Variants in CYP4X1 observed in about 807,000 individuals in gnomAD.
The protein encoded by CYP4X1 is cytochrome P450 family 4 subfamily X member 1, also known as cytochrome P450 4X1.
A neutral mutation model predicts 57.9 loss-of-function variants in CYP4X1; 44 were observed. The ratio of observed to expected loss-of-function variants is 0.76; its 90% CI spans 0.60 to 0.98. CYP4X1 has a LOEUF of 0.98. Among genes scored for constraint, CYP4X1 ranks in the 50% least tolerant of loss-of-function variants. CYP4X1 has a pLI of 0.00. For synonymous variants in CYP4X1, 227 were observed against 228.6 expected (o/e 0.99, Z 0.06); for missense variants, 532 against 623.9 (o/e 0.85, Z 1.57).
chr1:47,013,025 A>G, the CYP4X1 span, among the ~76,000 whole-genome samples: 1 of 151,488 alleles, frequency 6.6e-6, no homozygotes, highest in African/African-American at 2.4e-5. Flanking sequence ...ACCAGCTTTC[A>G]GCTTCACTCT....
At position 47,050,005 on chromosome 1, in the gene CYP4X1, G is replaced by A; in HGVS notation, c.1361G>A (p.Cys454Tyr). Reference protein sequence around the residue: ...YLPFSAGSRNCIGQEFAMIEL... With the variant: ...YLPFSAGSRNYIGQEFAMIEL... ...TCTTTCCCTCTTGTCTTCAGGAACT[G>A]CATTGGGCAGGAGTTTGCCATGATT... The change falls in exon 12 of 12, where the codon TGC (cysteine) becomes TAC (tyrosine). Residue 454 changes from cysteine (C) to tyrosine (Y), a missense_variant. Physicochemically the swap from Cys to Tyr is radical, Grantham distance 194 (BLOSUM62 -2). Coordinates refer to ENST00000371901, the MANE Select transcript of CYP4X1 (RefSeq NM_178033.2). 1 of 1,613,398 alleles carries A rather than the reference G, an allele frequency of 6.2e-7. No individual in the cohort carries two copies. The highest frequency in any genetic ancestry group is 8.5e-7 in the Non-Finnish European group (1 of 1,179,852).
At chr1:47,047,339 G>C (rs1490004922) in intron 9 of CYP4X1, among the ~76,000 whole-genome samples, 1 of 152,132 alleles carries the variant, frequency 6.6e-6, no homozygotes, top group Admixed American at 6.5e-5. Flanking sequence ...CATGTCTTAG[G>C]AAGCAAGCCA....
At chr1:47,034,944 T>G (rs1644163715) in intron 4 of CYP4X1, among the ~76,000 whole-genome samples, 1 of 151,996 alleles carries the variant, frequency 6.6e-6, no homozygotes, top group Non-Finnish European at 1.5e-5. Flanking sequence ...TCACCATTTG[T>G]TCTTAGTAAA....
the CYP4X1 span, among the ~76,000 whole-genome samples, chr1:46,968,769 A>C: frequency 6.6e-6 from 1 of 152,290 alleles, no homozygotes; most frequent in Middle Eastern, 3.4e-3. Flanking sequence ...TCTATATAAC[A>C]CGTTTTGTCC....
chr1:46,983,046 C>CT, the CYP4X1 span, among the ~76,000 whole-genome samples: 1 of 152,148 alleles, frequency 6.6e-6, no homozygotes, highest in African/African-American at 2.4e-5. Context: ...GGGGCCCTGC[C>CT]TGGGGACACG....
chr1:47,010,884 A>T, the CYP4X1 span, among the ~76,000 whole-genome samples: 5 of 152,338 alleles, frequency 3.3e-5, no homozygotes, highest in African/African-American at 9.6e-5. Flanking sequence ...AGAACTACAA[A>T]CCACTGTTCA....
the CYP4X1 span, among the ~76,000 whole-genome samples, chr1:46,976,451 G>C: frequency 6.6e-6 from 1 of 152,056 alleles, no homozygotes; most frequent in Non-Finnish European, 1.5e-5. Flanking sequence ...AGGGAATCTC[G>C]AACTAGGTGG....
At chr1:46,982,320 T>C in the CYP4X1 span, among the ~76,000 whole-genome samples, 1 of 152,366 alleles carries the variant, frequency 6.6e-6, no homozygotes, top group South Asian at 2.1e-4. Context: ...TTTGATAACA[T>C]CCAGGTTTTG....
chr1:47,026,716 GTTGTTTTTTT>G (rs1453715246), intron 1 of CYP4X1, among the ~76,000 whole-genome samples: 1 of 151,668 alleles, frequency 6.6e-6, no homozygotes, highest in African/African-American at 2.4e-5. Flanking sequence ...AATTTTTTTT[GTTGTTTTTTT>G]TTGTTTTTTG....
intron 3 of CYP4X1, among the ~76,000 whole-genome samples, chr1:47,031,937 G>A (rs1333362984): frequency 6.6e-6 from 1 of 152,042 alleles, no homozygotes; most frequent in Non-Finnish European, 1.5e-5. Flanking sequence ...CCACTACTTG[G>A]GAGGCTGAGA....
At chr1:46,965,878 GC>G in the CYP4X1 span, among the ~76,000 whole-genome samples, 2 of 152,204 alleles carry the variant, frequency 1.3e-5, no homozygotes, top group Admixed American at 1.3e-4. Context: ...AGAGACCAGA[GC>G]CCTATCCATA....
At chr1:46,989,297 C>T in the CYP4X1 span, among the ~76,000 whole-genome samples, 5 of 152,122 alleles carry the variant, frequency 3.3e-5, no homozygotes, top group Admixed American at 3.3e-4. Context: ...CACACATTCA[C>T]AATTGCCACA....
intron 9 of CYP4X1, among the ~76,000 whole-genome samples, chr1:47,048,111 TG>T (rs1361145697): frequency 2.0e-5 from 3 of 149,334 alleles, no homozygotes. Context: ...TAGCCAGGCA[TG>T]GTGTTGCATG....
chr1:47,031,921 G>A (rs1387136940), intron 3 of CYP4X1, among the ~76,000 whole-genome samples: 2 of 152,072 alleles, frequency 1.3e-5, no homozygotes, highest in Non-Finnish European at 1.5e-5. Context: ...ATGTAGGCCT[G>A]TAGTCCCACT....
chr1:47,012,132 C>A, the CYP4X1 span, among the ~76,000 whole-genome samples: 1 of 152,178 alleles, frequency 6.6e-6, no homozygotes, highest in Non-Finnish European at 1.5e-5. Flanking sequence ...TGGCACTATT[C>A]ACAATAGCAA....
the CYP4X1 span, among the ~76,000 whole-genome samples, chr1:47,008,256 G>A: frequency 6.6e-6 from 1 of 152,184 alleles, no homozygotes; most frequent in African/African-American, 2.4e-5. Context: ...AGAAGAGAGT[G>A]GGGGCCAATA....
At chr1:47,013,354 C>T in the CYP4X1 span, among the ~76,000 whole-genome samples, 4 of 152,154 alleles carry the variant, frequency 2.6e-5, no homozygotes, top group Middle Eastern at 3.2e-3. Context: ...CAAGTTATTT[C>T]GTTTCTCAGG....
chr1:47,038,107 T>C (rs972935834), intron 6 of CYP4X1, among the ~76,000 whole-genome samples: 1 of 152,196 alleles, frequency 6.6e-6, no homozygotes, highest in Admixed American at 6.5e-5. Flanking sequence ...ACCTTATTTT[T>C]AGAAAAGTTT....
chr1:47,018,182 G>A, the CYP4X1 span, among the ~76,000 whole-genome samples: 1 of 152,114 alleles, frequency 6.6e-6, no homozygotes, highest in Non-Finnish European at 1.5e-5. Context: ...AACTGGGGAG[G>A]AAGAGAGTTT....
Sources: allele counts gnomAD v4.1 joint callset (sites outside exome capture counted in the v4.1 genomes callset), GRCh38; gene constraint gnomAD v4.1.1; transcripts MANE v1.5; gene names NCBI Gene and HGNC (gene_info 2026-07-23, HGNC 2026-07-21).